Variants in SRGAP1 observed in about 807,000 individuals in gnomAD.
SRGAP1 encodes the protein SLIT-ROBO Rho GTPase-activating protein 1.
Under a neutral mutation model 121.9 loss-of-function variants are expected in SRGAP1, and 43 were observed. That is an observed-to-expected ratio of 0.35 (90% CI 0.28 to 0.46). SRGAP1 has a LOEUF of 0.46. Among genes scored for constraint, SRGAP1 ranks in the 20% least tolerant of loss-of-function variants. SRGAP1 has a pLI of 1.00. For synonymous variants in SRGAP1, 447 were observed against 485.4 expected (o/e 0.92, Z 1.04); for missense variants, 1,102 against 1,350.9 (o/e 0.82, Z 2.89).
chr12:63,959,283 T>C (rs2032564937), intron 1 of SRGAP1, among the ~76,000 whole-genome samples: 1 of 152,224 alleles, frequency 6.6e-6, no homozygotes, highest in Non-Finnish European at 1.5e-5. Context: ...TTGCAACATA[T>C]ATTCTTTCAG....
intron 4 of SRGAP1, among the ~76,000 whole-genome samples, chr12:64,041,873 T>TCA (rs2035032403): frequency 7.8e-6 from 1 of 127,528 alleles, no homozygotes; most frequent in Non-Finnish European, 1.7e-5. Flanking sequence ...TTATTTTCTT[T>TCA]TATATTATTA....
In SRGAP1 at chr12:64,126,158, G is replaced by A; in HGVS notation, c.2405+1G>A. 6.2e-7 allele frequency: 1 copy of A among 1,609,976 alleles called. No homozygotes were observed. Among genetic ancestry groups the A allele is most frequent in the Admixed American group, 1.7e-5 (1 of 59,942 alleles). ...ACCAGTATATAGTGGTGCAGGATAT[G>A]TGAGTAGTCTCAACTTTGATTGCCT... is the stretch of plus-strand genomic sequence containing the variant. On this transcript the variant is annotated splice_donor_variant, in intron 19 of 21. Coordinates refer to ENST00000355086, the MANE Select transcript of SRGAP1 (RefSeq NM_020762.4). LOFTEE classifies it high-confidence loss of function.
intron 5 of SRGAP1, 117 bp from the exon 6 acceptor site, chr12:64,043,330 G>A: frequency 1.9e-6 from 2 of 1,026,338 alleles, no homozygotes; most frequent in Non-Finnish European, 1.4e-6. Context: ...GACTTTCAGG[G>A]TCATTTGTAT....
chr12:64,114,331 CTTTTTTTTTTTTT>C (rs957049187), intron 17 of SRGAP1, among the ~76,000 whole-genome samples: 2 of 89,252 alleles, frequency 2.2e-5, no homozygotes, highest in African/African-American at 4.8e-5. Flanking sequence ...ATATGGTTAG[CTTTTTTTTTTTTT>C]TTTTTTTTTT....
intron 1 of SRGAP1, among the ~76,000 whole-genome samples, chr12:63,955,662 A>T (rs1253150189): frequency 6.6e-6 from 1 of 152,014 alleles, no homozygotes; most frequent in East Asian, 1.9e-4. Flanking sequence ...TTTTTCAGGT[A>T]CTGTATTGAC....
chr12:63,932,990 C>A lies in SRGAP1; in HGVS notation c.68-50957C>A, dbSNP rs150754893. 1.4e-3 allele frequency among the ~76,000 whole-genome samples: 210 copies of A among 152,240 alleles called. 2 individuals carry two copies. The highest frequency in any genetic ancestry group is 5.0e-3 in the African/African-American group (207 of 41,546). On this transcript the variant is annotated intron_variant, in intron 1 of 21. Transcript: ENST00000355086. ...AGATCATGAGATCAAGAGATTGTGA[C>A]CATCCTGGCCAACATGGTGAAACCC...
In SRGAP1 at chr12:64,043,573, G is replaced by T. The variant is rs1565654096; in HGVS notation, c.799G>T (p.Asp267Tyr). The T allele has an allele frequency of 1.3e-6, 2 of 1,597,412 alleles. No individual in the cohort carries two copies. Among genetic ancestry groups the T allele is most frequent in the Non-Finnish European group, 1.7e-6 (2 of 1,173,784 alleles). The change falls in exon 6 of 22, where the codon GAT (aspartate) becomes TAT (tyrosine). Residue 267 changes from aspartate to tyrosine, a missense_variant and splice_region_variant. Physicochemically the swap from Asp to Tyr is radical, Grantham distance 160. Transcript: ENST00000355086. ...YYIHDLSDLIDCCDLGYHASL... is the reference protein window; with the variant it reads ...YYIHDLSDLIYCCDLGYHASL... ...TATTCATGATCTTTCTGATTTAATTGATGTGAGTACTTGAAGTTTTTGTCT... is the reference window on the plus strand; with the variant it reads ...TATTCATGATCTTTCTGATTTAATTTATGTGAGTACTTGAAGTTTTTGTCT...
At chr12:63,946,196 T>C (rs1403144951) in intron 1 of SRGAP1, among the ~76,000 whole-genome samples, 1 of 152,142 alleles carries the variant, frequency 6.6e-6, no homozygotes, top group Non-Finnish European at 1.5e-5. Flanking sequence ...ATGGGGAAGA[T>C]CTGGTTTTTG....
chr12:63,971,315 C>T (rs1182163784), intron 1 of SRGAP1, among the ~76,000 whole-genome samples: 1 of 152,136 alleles, frequency 6.6e-6, no homozygotes, highest in Non-Finnish European at 1.5e-5. Context: ...GTCTGTAGAC[C>T]AGGAGGTAAC....
intron 1 of SRGAP1, among the ~76,000 whole-genome samples, chr12:63,965,807 A>T (rs1293849296): frequency 1.3e-5 from 2 of 152,142 alleles, no homozygotes; most frequent in African/African-American, 4.8e-5. Context: ...AGAAGATAAA[A>T]GTGCATTTTT....
chr12:64,095,594 C>T (rs545991397), intron 14 of SRGAP1, among the ~76,000 whole-genome samples: 2 of 152,090 alleles, frequency 1.3e-5, no homozygotes, highest in African/African-American at 4.8e-5. Flanking sequence ...TTTCTTCTCA[C>T]GGTCCACAGA....
intron 1 of SRGAP1, among the ~76,000 whole-genome samples, chr12:63,922,857 T>C (rs1212374582): frequency 6.6e-6 from 1 of 152,224 alleles, no homozygotes. Flanking sequence ...GAATGAAAGA[T>C]CCAACTTGTG....
intron 3 of SRGAP1, among the ~76,000 whole-genome samples, chr12:64,009,402 G>A (rs558059077): frequency 3.9e-5 from 6 of 152,088 alleles, no homozygotes; most frequent in South Asian, 2.1e-4. Flanking sequence ...AAATGAAGAC[G>A]CTTGTTTCAT....
chr12:63,949,170 A>ACATTCATATATGTATTTTCCATATATATT (rs1565964547), intron 1 of SRGAP1, among the ~76,000 whole-genome samples: 30 of 108,508 alleles, frequency 2.8e-4, no homozygotes, highest in African/African-American at 1.0e-3. Flanking sequence ...CCATATATAT[A>ACATTCATATATGTATTTTCCATATATATT]TTTTTTCCAT....
At chr12:63,896,830 T>G (rs1374623499) in intron 1 of SRGAP1, among the ~76,000 whole-genome samples, 1 of 152,178 alleles carries the variant, frequency 6.6e-6, no homozygotes, top group Non-Finnish European at 1.5e-5. Context: ...GCTAACGCTG[T>G]GGGTTGTTAA....
At chr12:63,974,438 A>C (rs2033039600) in intron 1 of SRGAP1, among the ~76,000 whole-genome samples, 1 of 152,128 alleles carries the variant, frequency 6.6e-6, no homozygotes, top group Admixed American at 6.5e-5. Flanking sequence ...TCTATGTGTC[A>C]GAAATTTTTT....
chr12:64,039,770 T>A (rs1019441284), intron 4 of SRGAP1, among the ~76,000 whole-genome samples: 13 of 152,104 alleles, frequency 8.5e-5, no homozygotes, highest in African/African-American at 3.1e-4. Flanking sequence ...AAATGCAAGG[T>A]GTGTGTAGAT....
At chr12:63,992,864 G>A (rs1162243015) in intron 3 of SRGAP1, among the ~76,000 whole-genome samples, 1 of 152,036 alleles carries the variant, frequency 6.6e-6, no homozygotes, top group Non-Finnish European at 1.5e-5. Context: ...GGTTACTTTG[G>A]CATTTAGTAG....
chr12:64,074,898 T>C (rs2035706243), intron 8 of SRGAP1, among the ~76,000 whole-genome samples: 3 of 152,218 alleles, frequency 2.0e-5, no homozygotes, highest in South Asian at 2.1e-4. Flanking sequence ...AATCACATTA[T>C]ATAAAACTTT....
Sources: gnomAD v4.1 joint callset for allele counts (sites outside exome capture counted in the v4.1 genomes callset) on GRCh38, gnomAD v4.1.1 for gene constraint, MANE v1.5 for transcripts, NCBI Gene and HGNC (gene_info 2026-07-23, HGNC 2026-07-21) for gene names.